The following CNTNAP2 variants were observed in gnomAD, a reference collection of about 807,000 sequenced individuals.
CNTNAP2 encodes contactin associated protein 2, also known as contactin-associated protein-like 2.
In CNTNAP2, 98 loss-of-function variants were observed where a neutral mutation model predicts 155.2. The ratio of observed to expected loss-of-function variants is 0.63; its 90% CI spans 0.54 to 0.75. CNTNAP2 has a LOEUF of 0.75. CNTNAP2 is among the 30% of genes least tolerant of loss of function. The pLI is 0.00. For missense variants in CNTNAP2, 1,727 were observed against 1,688.1 expected (o/e 1.02, Z -0.40); for synonymous variants, 651 against 631.2 (o/e 1.03, Z -0.47).
intron 2 of CNTNAP2, among the ~76,000 whole-genome samples, chr7:146,794,206 C>T (rs1189138787): frequency 6.6e-6 from 1 of 152,150 alleles, no homozygotes; most frequent in East Asian, 1.9e-4. Context: ...ATTAATTACT[C>T]TGGCATTGTG....
intron 13 of CNTNAP2, among the ~76,000 whole-genome samples, chr7:147,669,619 C>G (rs1408967847): frequency 6.6e-6 from 1 of 152,148 alleles, no homozygotes; most frequent in East Asian, 1.9e-4. Context: ...GGTAGTGAAA[C>G]AATGACTCCA....
chr7:147,551,468 A>C lies in CNTNAP2; in HGVS notation c.1778-10670A>C, dbSNP rs1200668453. 3.9e-5 allele frequency among the ~76,000 whole-genome samples: 6 copies of C among 152,196 alleles called. No homozygotes were observed. The South Asian group carries it at 1.2e-3, about 31-fold the overall frequency. On this transcript the variant is annotated intron_variant, in intron 11 of 23. Transcript: ENST00000361727. ...TACTTTGAAGACTAGCAATTTCATT[A>C]TTTGATTCTGATTCTGAGATGACTT...
rs866999999 is a variant in CNTNAP2 at position 148,413,419 on chromosome 7, T to G, written c.3797-1998T>G. ...AAAAAAAAATATATATATATATATATATATATATATATATATATATATATA... is the reference window on the plus strand; with the variant it reads ...AAAAAAAAATATATATATATATATAGATATATATATATATATATATATATA... On this transcript the variant is annotated intron_variant, in intron 23 of 23. Coordinates refer to ENST00000361727, the MANE Select transcript of CNTNAP2 (RefSeq NM_014141.6). Among the ~76,000 whole-genome samples the G allele has an allele frequency of 7.3e-5, 4 of 54,908 alleles. No individual in the cohort carries two copies. The East Asian group carries it at 2.0e-3, about 27-fold the overall frequency. The allele number at this position is 54,908 out of a possible 152,430, so 36.0% of individuals were successfully genotyped here. A position where few individuals can be genotyped will look rare whatever the true frequency, so the allele number is the denominator to read the frequency against.
In CNTNAP2 at chr7:148,363,262, C is replaced by T. The variant is rs528697464; in HGVS notation, c.3476-20387C>T. 5.1e-4 allele frequency among the ~76,000 whole-genome samples: 78 copies of T among 152,316 alleles called. No homozygotes were observed. In the East Asian group the frequency reaches 9.6e-3, roughly 19 times the overall value. The stretch of plus-strand genomic sequence containing the variant: ...CCTCCCTAAGTGCCGGGATTACAGG[C>T]GTGAGCCACCACGCACGGCCTCAAC... On this transcript the variant is annotated intron_variant, in intron 21 of 23. Transcript: ENST00000361727.
At chr7:147,211,867 C>T (rs1351693895) in intron 8 of CNTNAP2, among the ~76,000 whole-genome samples, 1 of 151,918 alleles carries the variant, frequency 6.6e-6, no homozygotes, top group Non-Finnish European at 1.5e-5. Context: ...GTAAACACAA[C>T]CTACAAAATG....
intron 1 of CNTNAP2, among the ~76,000 whole-genome samples, chr7:146,543,669 C>T (rs960740397): frequency 2.6e-5 from 4 of 151,920 alleles, no homozygotes; most frequent in Non-Finnish European, 5.9e-5. Context: ...TAGTTGTGAA[C>T]AAATTCATTG....
intron 1 of CNTNAP2, among the ~76,000 whole-genome samples, chr7:146,165,315 A>G (rs1450983464): frequency 6.6e-6 from 1 of 152,202 alleles, no homozygotes; most frequent in Non-Finnish European, 1.5e-5. Flanking sequence ...AAAATTAGTT[A>G]TGATAATTGT....
At chr7:146,288,729 G>A (rs1192130275) in intron 1 of CNTNAP2, among the ~76,000 whole-genome samples, 3 of 150,894 alleles carry the variant, frequency 2.0e-5, no homozygotes, top group East Asian at 1.9e-4. Context: ...AGAACTGTAG[G>A]TCACTTAATT....
chr7:148,394,472 A>G (rs1388040941), intron 22 of CNTNAP2, among the ~76,000 whole-genome samples: 1 of 152,064 alleles, frequency 6.6e-6, no homozygotes, highest in African/African-American at 2.4e-5. Context: ...TTTTTCCCAG[A>G]ATTTTCCTGT....
At chr7:146,476,813 A>G (rs1364712575) in intron 1 of CNTNAP2, among the ~76,000 whole-genome samples, 1 of 152,216 alleles carries the variant, frequency 6.6e-6, no homozygotes, top group Non-Finnish European at 1.5e-5. Flanking sequence ...AATCTCATGA[A>G]TGAAATTACT....
At chr7:146,441,226 G>A (rs1035618282) in intron 1 of CNTNAP2, among the ~76,000 whole-genome samples, 10 of 151,388 alleles carry the variant, frequency 6.6e-5, no homozygotes, top group African/African-American at 9.8e-5. Context: ...AAATTCAACC[G>A]TGAAAAAAAT....
chr7:146,748,143 C>CTTTTTTTTT (rs61495352), intron 1 of CNTNAP2, among the ~76,000 whole-genome samples: 12 of 97,990 alleles, frequency 1.2e-4, no homozygotes, highest in Admixed American at 2.2e-4. Flanking sequence ...CTTTTCTTTT[C>CTTTTTTTTT]TTTTTTTTTT....
intron 18 of CNTNAP2, among the ~76,000 whole-genome samples, chr7:148,177,233 A>T (rs894181582): frequency 1.3e-5 from 2 of 152,176 alleles, no homozygotes; most frequent in Non-Finnish European, 2.9e-5. Context: ...TGCAGATGTG[A>T]TTATGGTAAG....
intron 13 of CNTNAP2, among the ~76,000 whole-genome samples, chr7:147,882,940 T>C (rs1799545701): frequency 6.6e-6 from 1 of 152,226 alleles, no homozygotes; most frequent in Admixed American, 6.5e-5. Flanking sequence ...TGTGTGTTTA[T>C]TTAAGATTCG....
intron 1 of CNTNAP2, among the ~76,000 whole-genome samples, chr7:146,143,611 A>G (rs142001159): frequency 1.3e-5 from 2 of 152,198 alleles, no homozygotes; most frequent in East Asian, 1.9e-4. Context: ...TTGAAATACT[A>G]TGTTTCATAT....
chr7:147,273,008 C>A (rs950998793), intron 8 of CNTNAP2, among the ~76,000 whole-genome samples: 1 of 151,558 alleles, frequency 6.6e-6, no homozygotes, highest in African/African-American at 2.4e-5. Context: ...AGCTATTCTT[C>A]TTTTCCATTT....
At chr7:147,160,750 G>C (rs1479532580) in intron 8 of CNTNAP2, among the ~76,000 whole-genome samples, 3 of 152,174 alleles carry the variant, frequency 2.0e-5, no homozygotes, top group Non-Finnish European at 4.4e-5. Context: ...TAATATTTAA[G>C]CTAAAATATG....
At chr7:147,816,736 CT>C (rs140442308) in intron 13 of CNTNAP2, among the ~76,000 whole-genome samples, 2 of 151,892 alleles carry the variant, frequency 1.3e-5, no homozygotes, top group African/African-American at 4.8e-5. Flanking sequence ...GATGAATAGC[CT>C]TTTTTATGGA....
intron 1 of CNTNAP2, among the ~76,000 whole-genome samples, chr7:146,695,894 C>G (rs1236408580): frequency 6.6e-6 from 1 of 151,994 alleles, no homozygotes; most frequent in Admixed American, 6.6e-5. Context: ...GGAATAAAGC[C>G]CACTTAGTCA....
Sources: allele counts gnomAD v4.1 joint callset (sites outside exome capture counted in the v4.1 genomes callset), GRCh38; gene constraint gnomAD v4.1.1; transcripts MANE v1.5; gene names NCBI Gene and HGNC (gene_info 2026-07-23, HGNC 2026-07-21).